The following USP9Y variants were observed in gnomAD, a reference collection of about 807,000 sequenced individuals.
USP9Y encodes ubiquitin specific peptidase 9 Y-linked, also known as ubiquitin carboxyl-terminal hydrolase 9Y.
In USP9Y, 41 loss-of-function variants were observed where a neutral mutation model predicts 53.1. The ratio of observed to expected loss-of-function variants is 0.77; its 90% CI spans 0.60 to 1.00. USP9Y has a LOEUF of 1.00. USP9Y is among the 50% of genes least tolerant of loss of function. USP9Y has a pLI of 0.00. For synonymous variants in USP9Y, 220 were observed against 173.7 expected, an observed-to-expected ratio of 1.27 and a Z score of -2.09; for missense variants, 567 against 535.8, an observed-to-expected ratio of 1.06 and a Z score of -0.58.
chrY:12,831,757 A>G, intron 33 of USP9Y, among the ~76,000 whole-genome samples: 2 of 33,226 alleles, frequency 6.0e-5, no homozygotes, highest in Admixed American at 5.5e-4. Flanking sequence ...TCAAAAATAA[A>G]TCAATAAAAG....
intron 12 of USP9Y, among the ~76,000 whole-genome samples, chrY:12,747,697 T>C: frequency 2.9e-5 from 1 of 34,440 alleles, no homozygotes; most frequent in African/African-American, 1.1e-4. Context: ...GGTTCCCAGT[T>C]TTCTCTGGGA....
Position 12,709,563 on chromosome Y carries a change from GT to G in USP9Y, c.96+24del, listed in dbSNP as rs2053422755. On this transcript the variant is annotated intron_variant, in intron 3 of 45. Transcript: ENST00000338981. The stretch of plus-strand genomic sequence containing the variant: ...AACCAGGTAGGAGTAAGACTGTGTT[GT>G]TTTGAGTACTGTGAAATACAAAATT... 5.9e-6 allele frequency: 2 copies of G among 337,521 alleles called. No homozygotes were observed. Among genetic ancestry groups the G allele is most frequent in the African/African-American group, 1.4e-4 (2 of 14,810 alleles). The allele number at this position is 337,521 out of a possible 400,897, so 84.2% of individuals were successfully genotyped here. A position where few individuals can be genotyped will look rare whatever the true frequency, so the allele number is the denominator to read the frequency against.
chrY:12,784,505 T>C, intron 22 of USP9Y, among the ~76,000 whole-genome samples: 3 of 33,679 alleles, frequency 8.9e-5, no homozygotes, highest in African/African-American at 2.3e-4. Context: ...ATTGGTATTA[T>C]AGAAATGTGT....
intron 27 of USP9Y, among the ~76,000 whole-genome samples, chrY:12,805,422 G>A (rs2053523433): frequency 3.0e-5 from 1 of 33,382 alleles, no homozygotes; most frequent in South Asian, 6.8e-4. Context: ...TCCCTGGAAA[G>A]TTGCTTCAGC....
At chrY:12,762,002 A>G in intron 15 of USP9Y, among the ~76,000 whole-genome samples, 1 of 33,276 alleles carries the variant, frequency 3.0e-5, no homozygotes, top group Non-Finnish European at 7.4e-5. Context: ...TATAAAAGCA[A>G]TCTGAGCATC....
intron 7 of USP9Y, among the ~76,000 whole-genome samples, chrY:12,731,620 A>G: frequency 3.0e-5 from 1 of 33,782 alleles, no homozygotes; most frequent in Non-Finnish European, 7.3e-5. Flanking sequence ...TTACAGTAAT[A>G]CTGAGTTTTA....
At chrY:12,766,366 C>A in intron 15 of USP9Y, among the ~76,000 whole-genome samples, 1 of 33,648 alleles carries the variant, frequency 3.0e-5, no homozygotes, top group African/African-American at 1.2e-4. Context: ...TGGAGGCAAG[C>A]AGACCACATT....
chrY:12,834,683 G>A, intron 34 of USP9Y, among the ~76,000 whole-genome samples: 1 of 33,393 alleles, frequency 3.0e-5, no homozygotes, highest in Non-Finnish European at 7.4e-5. Flanking sequence ...CAAAGAAAAG[G>A]CTAAAAGCGG....
intron 12 of USP9Y, among the ~76,000 whole-genome samples, chrY:12,752,489 A>G: frequency 3.1e-5 from 1 of 32,129 alleles, no homozygotes; most frequent in African/African-American, 1.2e-4. Context: ...GATCCTTGCA[A>G]TTTTCTTTTA....
chrY:12,749,752 T>C (rs2053462745), intron 12 of USP9Y, among the ~76,000 whole-genome samples: 1 of 34,411 alleles, frequency 2.9e-5, no homozygotes, highest in African/African-American at 1.1e-4. Flanking sequence ...TTCTGTTTCA[T>C]TGTTTGGATA....
intron 3 of USP9Y, among the ~76,000 whole-genome samples, chrY:12,712,614 A>G: frequency 1.2e-4 from 4 of 32,735 alleles, no homozygotes; most frequent in Admixed American, 2.8e-4. Flanking sequence ...ATCTACTCTG[A>G]TAATCTTTTA....
intron 35 of USP9Y, among the ~76,000 whole-genome samples, chrY:12,839,379 C>A: frequency 6.0e-5 from 2 of 33,062 alleles, no homozygotes; most frequent in African/African-American, 1.2e-4. Context: ...AACACCATTT[C>A]CTCTAAACAT....
intron 30 of USP9Y, among the ~76,000 whole-genome samples, chrY:12,812,515 A>G: frequency 3.0e-5 from 1 of 33,723 alleles, no homozygotes; most frequent in Non-Finnish European, 7.3e-5. Flanking sequence ...CAAGAAAAAG[A>G]ATATAACTTT....
intron 24 of USP9Y, among the ~76,000 whole-genome samples, chrY:12,787,532 A>G (rs1031500272): frequency 1.3e-3 from 45 of 33,580 alleles, no homozygotes; most frequent in Admixed American, 3.2e-3. Context: ...CTGGGGTAAT[A>G]TAATTCTGGG....
intron 3 of USP9Y, among the ~76,000 whole-genome samples, chrY:12,712,997 A>T (rs2053426265): frequency 3.1e-5 from 1 of 32,201 alleles, no homozygotes; most frequent in African/African-American, 1.2e-4. Flanking sequence ...GTAAGCTGTA[A>T]TCATTGAATA....
intron 5 of USP9Y, among the ~76,000 whole-genome samples, chrY:12,723,263 T>C: frequency 3.2e-5 from 1 of 31,441 alleles, no homozygotes; most frequent in Non-Finnish European, 7.7e-5. Context: ...GTAAAAGCTT[T>C]GGGTTTGAAT....
chrY:12,827,374 G>A (rs931471783), intron 33 of USP9Y, among the ~76,000 whole-genome samples: 30 of 32,693 alleles, frequency 9.2e-4, no homozygotes, highest in Admixed American at 5.7e-4. Flanking sequence ...ATCAAACTAC[G>A]TCTCAAACCA....
intron 22 of USP9Y, among the ~76,000 whole-genome samples, chrY:12,782,269 T>A: frequency 3.0e-5 from 1 of 33,024 alleles, no homozygotes; most frequent in African/African-American, 1.2e-4. Context: ...TGGCCTCAAG[T>A]GATCTGCCTG....
chrY:12,734,664 C>T (rs766309084), intron 7 of USP9Y, among the ~76,000 whole-genome samples: 4 of 33,504 alleles, frequency 1.2e-4, no homozygotes, highest in East Asian at 7.7e-4. Context: ...TCGTATCAAA[C>T]GTAGGATTAG....
Sources: gnomAD v4.1 joint callset for allele counts (sites outside exome capture counted in the v4.1 genomes callset) on GRCh38, gnomAD v4.1.1 for gene constraint, MANE v1.5 for transcripts, NCBI Gene and HGNC (gene_info 2026-07-23, HGNC 2026-07-21) for gene names.